Variants in PTPRN2 observed in about 807,000 individuals in gnomAD.
The protein encoded by PTPRN2 is receptor-type tyrosine-protein phosphatase N2.
In PTPRN2, 74 loss-of-function variants were observed where a neutral mutation model predicts 118.8. That is an observed-to-expected ratio of 0.62 (90% CI 0.52 to 0.76). The LOEUF (loss-of-function observed/expected upper bound fraction) is 0.76. Among genes scored for constraint, PTPRN2 ranks in the 30% least tolerant of loss-of-function variants. The pLI is 0.00. For synonymous variants in PTPRN2, 641 were observed against 608.0 expected (o/e 1.05, Z -0.80); for missense variants, 1,481 against 1,394.4 (o/e 1.06, Z -0.99).
intron 3 of PTPRN2, among the ~76,000 whole-genome samples, chr7:158,289,810 A>C (rs4909169): frequency 0.96 from 146,144 of 152,278 alleles, 70,200 homozygotes; most frequent in African/African-American, 0.99. Context: ...TCTTTGTAGA[A>C]TGGCTTCGCC....
chr7:158,276,557 C>G (rs905363396), intron 3 of PTPRN2, among the ~76,000 whole-genome samples: 1 of 152,142 alleles, frequency 6.6e-6, no homozygotes, highest in Non-Finnish European at 1.5e-5. Context: ...CCCCCACACC[C>G]TGGCCCTGGG....
chr7:158,085,288 ACC>A (rs1813233662), intron 10 of PTPRN2, among the ~76,000 whole-genome samples: 2 of 101,476 alleles, frequency 2.0e-5, no homozygotes, highest in African/African-American at 8.1e-5. Context: ...ACCCATCCAC[ACC>A]CACGACGCCC....
chr7:157,836,795 T>C (rs1807963493), intron 12 of PTPRN2, among the ~76,000 whole-genome samples: 2 of 152,302 alleles, frequency 1.3e-5, no homozygotes, highest in Non-Finnish European at 1.5e-5. Flanking sequence ...CATTTTTAAT[T>C]GCTCCAGAGA....
At position 157,541,029 on chromosome 7, in the gene PTPRN2, G is replaced by A. The variant is rs116307472; in HGVS notation, c.2977-244C>T. Among the ~76,000 whole-genome samples the A allele has an allele frequency of 7.1e-3, 1,081 of 152,334 alleles. 14 individuals are homozygous for A. The highest frequency in any genetic ancestry group is 0.024 in the African/African-American group (1,000 of 41,578). ...AGTGACACATGTTTGAGCTTCTCTC[G>A]CACTAGAAAAGCCTCATCTTTCCCC... On this transcript the variant is annotated intron_variant, in intron 22 of 22. Coordinates refer to ENST00000389418, the MANE Select transcript of PTPRN2 (RefSeq NM_002847.5).
At chr7:157,631,435 G>A (rs948196207) in intron 14 of PTPRN2, among the ~76,000 whole-genome samples, 12 of 152,212 alleles carry the variant, frequency 7.9e-5, no homozygotes, top group African/African-American at 2.4e-4. Context: ...CACTCACTGA[G>A]AATTAAGAAT....
At chr7:157,749,497 G>T (rs1188656370) in intron 12 of PTPRN2, among the ~76,000 whole-genome samples, 1 of 147,686 alleles carries the variant, frequency 6.8e-6, no homozygotes, top group Non-Finnish European at 1.5e-5. Flanking sequence ...GTGATTCTGA[G>T]GCCTGCGTCC....
chr7:158,461,854 T>A (rs1819017394), intron 2 of PTPRN2, among the ~76,000 whole-genome samples: 2 of 152,218 alleles, frequency 1.3e-5, no homozygotes, highest in South Asian at 4.1e-4. Flanking sequence ...TAAAAACACG[T>A]CTTTAGTGTG....
At chr7:158,130,760 T>C (rs1818143334) in intron 9 of PTPRN2, among the ~76,000 whole-genome samples, 1 of 140,428 alleles carries the variant, frequency 7.1e-6, no homozygotes, top group African/African-American at 2.7e-5. Context: ...CTACCTGACA[T>C]ACTCATATAC....
chr7:158,276,243 G>GCCCCAACAGGCTGTAATGTA (rs1798962673), intron 3 of PTPRN2, among the ~76,000 whole-genome samples: 1 of 32,134 alleles, frequency 3.1e-5, no homozygotes, highest in Non-Finnish European at 9.2e-5. Flanking sequence ...CCACATCCCG[G>GCCCCAACAGGCTGTAATGTA]TCCTGGTAGC....
intron 12 of PTPRN2, among the ~76,000 whole-genome samples, chr7:157,817,823 G>GGT (rs924262752): frequency 2.0e-5 from 3 of 152,132 alleles, no homozygotes; most frequent in African/African-American, 4.8e-5. Context: ...GTGCATGTTT[G>GGT]GTGTGTGTGT....
At chr7:158,090,516 T>G (rs1312739775) in intron 10 of PTPRN2, among the ~76,000 whole-genome samples, 1 of 152,260 alleles carries the variant, frequency 6.6e-6, no homozygotes, top group Non-Finnish European at 1.5e-5. Flanking sequence ...TATTCCTGAG[T>G]TCTTTATCAC....
At chr7:158,012,198 C>A (rs979551539) in intron 11 of PTPRN2, among the ~76,000 whole-genome samples, 17 of 152,134 alleles carry the variant, frequency 1.1e-4, no homozygotes, top group Admixed American at 6.5e-5. Context: ...CTGACACGTG[C>A]CTTTCGGAAG....
rs980632642 is a variant in PTPRN2 at position 157,729,337 on chromosome 7, G to A, written c.1789-46400C>T. On this transcript the variant is annotated intron_variant, in intron 12 of 22. Transcript: ENST00000389418. The surrounding 1 kb of genome is among the most constrained non-coding windows in gnomAD (Gnocchi z 4.3). ...TGAGCACAGTGGCTGGAGTCTGTGC[G>A]GTGGCTGGAACCCTGGGCTCTGGAG... is the stretch of plus-strand genomic sequence containing the variant. 5.3e-5 allele frequency among the ~76,000 whole-genome samples: 8 copies of A among 152,122 alleles called. No individual in the cohort carries two copies. The highest frequency in any genetic ancestry group is 1.0e-4 in the Non-Finnish European group (7 of 68,030).
intron 10 of PTPRN2, among the ~76,000 whole-genome samples, chr7:158,087,665 G>GA (rs1219443989): frequency 1.1e-4 from 16 of 146,072 alleles, no homozygotes; most frequent in Non-Finnish European, 1.6e-4. Context: ...CTCCCCTGAT[G>GA]AAGGAGGGAG....
intron 2 of PTPRN2, among the ~76,000 whole-genome samples, chr7:158,343,356 C>T (rs1378390078): frequency 6.6e-6 from 1 of 152,218 alleles, no homozygotes; most frequent in Non-Finnish European, 1.5e-5. Context: ...AGACCTACTG[C>T]CCGCTCAGCA....
chr7:158,166,310 C>T (rs1563546504), intron 6 of PTPRN2, among the ~76,000 whole-genome samples: 3 of 23,718 alleles, frequency 1.3e-4, no homozygotes, highest in East Asian at 2.4e-3. Flanking sequence ...CTCCTCCCCC[C>T]CGGCCGCCGC....
intron 3 of PTPRN2, among the ~76,000 whole-genome samples, chr7:158,296,938 AGGGAGGTGGAGCTT>A (rs1381470401): frequency 1.3e-5 from 2 of 152,120 alleles, no homozygotes; most frequent in Non-Finnish European, 2.9e-5. Flanking sequence ...GGGAACTCTA[AGGGAGGTGGAGCTT>A]GGGTGGTGGA....
At chr7:158,521,162 A>G (rs1448472496) in intron 1 of PTPRN2, among the ~76,000 whole-genome samples, 2 of 152,064 alleles carry the variant, frequency 1.3e-5, no homozygotes, top group Middle Eastern at 6.3e-3. Flanking sequence ...TATTATTTTT[A>G]TTGTTGTATT....
At chr7:158,401,205 C>G (rs1436557555) in intron 2 of PTPRN2, among the ~76,000 whole-genome samples, 1 of 125,400 alleles carries the variant, frequency 8.0e-6, no homozygotes, top group Non-Finnish European at 1.8e-5. Flanking sequence ...GGGCTCCAAG[C>G]CCCTCAGACC....
Sources: gnomAD v4.1 joint callset for allele counts (sites outside exome capture counted in the v4.1 genomes callset) on GRCh38, gnomAD v4.1.1 for gene constraint, Gnocchi (gnomAD v3.1) non-coding constraint, MANE v1.5 for transcripts, NCBI Gene and HGNC (gene_info 2026-07-23, HGNC 2026-07-21) for gene names.